PPM1G: variants seen among roughly 807,000 people sequenced by gnomAD.
PPM1G encodes the protein protein phosphatase, Mg2+/Mn2+ dependent 1G, also known as protein phosphatase 1G.
In PPM1G, 12 loss-of-function variants were observed where a neutral mutation model predicts 59.4. The ratio of observed to expected loss-of-function variants is 0.20; its 90% confidence interval spans 0.13 to 0.33. The LOEUF (loss-of-function observed/expected upper bound fraction) is 0.33, where lower values mean the gene tolerates loss of function less well. PPM1G is among the 10% of genes least tolerant of loss of function. The pLI is 1.00. For synonymous variants in PPM1G, 245 were observed against 251.9 expected (o/e 0.97, Z 0.26); for missense variants, 392 against 681.3 (o/e 0.58, Z 4.73).
At chr2:27,390,552 T>TCAACAA (rs530594101) in intron 1 of PPM1G, among the ~76,000 whole-genome samples, 71 of 152,158 alleles carry the variant, frequency 4.7e-4, no homozygotes, top group African/African-American at 1.6e-3. Flanking sequence ...AGACCTCATC[T>TCAACAA]CAACAACAAC....
At chr2:27,392,903 C>T in intron 1 of PPM1G, 1 of 1,424,922 alleles carries the variant, frequency 7.0e-7, no homozygotes, top group Middle Eastern at 2.4e-4. Context: ...TCTTTGATGG[C>T]CTTCACTTGT....
At chr2:27,409,235 C>G in intron 1 of PPM1G, 68 bp downstream of exon 1, 1 of 1,503,246 alleles carries the variant, frequency 6.7e-7, no homozygotes, top group East Asian at 2.8e-5. Context: ...AGGACCCCAT[C>G]CCCCGCTCTC....
At chr2:27,404,243 G>A (rs75743860) in intron 1 of PPM1G, among the ~76,000 whole-genome samples, 2,190 of 151,958 alleles carry the variant, frequency 0.014, 38 homozygotes, top group Non-Finnish European at 0.024. Context: ...AGGAAAATAT[G>A]ATTTATAGCA....
chr2:27,381,289 T>A lies in PPM1G; in HGVS notation c.*310A>T. 2.3e-6 allele frequency: 1 copy of A among 431,982 alleles called. No homozygotes were observed. 26.8% of individuals were successfully genotyped at this position (431,982 alleles called of 1,614,324 possible). A position where few individuals can be genotyped will look rare whatever the true frequency, so the allele number is the denominator to read the frequency against. On this transcript the variant is annotated 3_prime_UTR_variant, in exon 10 of 10. Coordinates refer to ENST00000344034, the MANE Select transcript of PPM1G (RefSeq NM_177983.3). The stretch of plus-strand genomic sequence containing the variant: ...CGGCCGAGGGCCATGGAGCCGCCAA[T>A]AAAAAAGAATGTCCTTAAATAAAGT...
At chr2:27,393,002 T>G (rs1426668765) in intron 1 of PPM1G, 1 of 1,520,502 alleles carries the variant, frequency 6.6e-7, no homozygotes, top group Admixed American at 1.7e-5. Flanking sequence ...AGTGACTGAT[T>G]CACATTTTTT....
chr2:27,381,929 C>T lies in PPM1G; in HGVS notation c.1435-124G>A, dbSNP rs1683641036. ...GGAGAGGAATGGGCAAGAGGTATCA[C>T]ACAACGGCCCACCTGCTAGTCCATA... On this transcript the variant is annotated intron_variant, in intron 9 of 9. Transcript: ENST00000344034. 2.9e-6 allele frequency: 3 copies of T among 1,034,976 alleles called. No homozygotes were observed. The Admixed American group carries it at 6.1e-5, about 21-fold the overall frequency. 64.1% of individuals were successfully genotyped at this position (1,034,976 alleles called of 1,614,324 possible).
chr2:27,386,327 TAGAA>T, intron 2 of PPM1G, 48 bp from the exon 3 acceptor site: 1 of 1,316,494 alleles, frequency 7.6e-7, no homozygotes, highest in Non-Finnish European at 1.1e-6. Flanking sequence ...TCCCCACACA[TAGAA>T]AGTGATACAA....
intron 1 of PPM1G, among the ~76,000 whole-genome samples, chr2:27,391,615 GGTT>G (rs1432497961): frequency 6.6e-6 from 1 of 152,064 alleles, no homozygotes; most frequent in Admixed American, 6.6e-5. Context: ...CCATTCTATA[GGTT>G]GTTTACCCCC....
rs1365959192 is a variant in PPM1G at position 27,392,281 on chromosome 2, G to GTTT, written c.121-5126_121-5124dup. ...CTGGATTACTTTGTTTTGTTGGTTT[G>GTTT]TTTTGTTTTTTTTTTTTTTTTTTTT... On this transcript the variant is annotated intron_variant, in intron 1 of 9. Coordinates refer to ENST00000344034, the MANE Select transcript of PPM1G (RefSeq NM_177983.3). Among the ~76,000 whole-genome samples, 118 of 78,714 alleles carry GTTT rather than the reference G, an allele frequency of 1.5e-3. 2 individuals are homozygous for GTTT. The highest frequency in any genetic ancestry group is 5.7e-3 in the African/African-American group (100 of 17,472). The allele number at this position is 78,714 out of a possible 152,430, so 51.6% of individuals were successfully genotyped here.
chr2:27,397,659 C>T (rs1322056200), intron 1 of PPM1G, among the ~76,000 whole-genome samples: 3 of 152,094 alleles, frequency 2.0e-5, no homozygotes, highest in Non-Finnish European at 4.4e-5. Flanking sequence ...GATAAAAAGA[C>T]TCAATGCCAG....
At chr2:27,407,773 G>T (rs1443957517) in intron 1 of PPM1G, among the ~76,000 whole-genome samples, 1 of 152,142 alleles carries the variant, frequency 6.6e-6, no homozygotes, top group Non-Finnish European at 1.5e-5. Flanking sequence ...GAGCCGCAGG[G>T]TGTGGTGGTT....
chr2:27,398,864 T>C (rs1684115850), intron 1 of PPM1G, among the ~76,000 whole-genome samples: 1 of 145,632 alleles, frequency 6.9e-6, no homozygotes, highest in Admixed American at 6.9e-5. Context: ...GCAAAAAGAA[T>C]CAGGGTGTAG....
intron 1 of PPM1G, among the ~76,000 whole-genome samples, chr2:27,394,666 C>CCCTG (rs779752953): frequency 2.8e-4 from 41 of 148,594 alleles, no homozygotes; most frequent in Admixed American, 2.7e-3. Context: ...GGGAGGCGGA[C>CCCTG]CAGGAGGCGG....
chr2:27,405,034 C>A (rs1558322617), intron 1 of PPM1G, among the ~76,000 whole-genome samples: 9 of 84 alleles, frequency 0.11, no homozygotes, highest in Middle Eastern at 0.5. Context: ...AAGGGCCTTA[C>A]CTTATAATTT....
chr2:27,381,935 G>A (rs745679838), intron 9 of PPM1G, 130 bp from the exon 10 acceptor site: 24 of 1,020,954 alleles, frequency 2.4e-5, no homozygotes, highest in African/African-American at 4.8e-5. Flanking sequence ...ATCACACAAC[G>A]GCCCACCTGC....
At chr2:27,404,343 T>C (rs1392250406) in intron 1 of PPM1G, among the ~76,000 whole-genome samples, 2 of 150,256 alleles carry the variant, frequency 1.3e-5, no homozygotes, top group Non-Finnish European at 3.0e-5. Context: ...GTCAGGAGTC[T>C]TGAGACCAGC....
At chr2:27,389,522 C>T (rs1255893481) in intron 1 of PPM1G, among the ~76,000 whole-genome samples, 1 of 149,496 alleles carries the variant, frequency 6.7e-6, no homozygotes, top group Non-Finnish European at 1.5e-5. Context: ...CCTTTACCCA[C>T]ACCTTTGCTT....
intron 1 of PPM1G, among the ~76,000 whole-genome samples, chr2:27,405,045 T>G (rs74175065): frequency 3.4e-5 from 5 of 145,590 alleles, no homozygotes; most frequent in African/African-American, 1.3e-4. Flanking sequence ...CTTATAATTT[T>G]TCAGGCACCC....
intron 1 of PPM1G, chr2:27,393,311 G>A (rs764495414): frequency 3.6e-5 from 57 of 1,597,930 alleles, no homozygotes; most frequent in Non-Finnish European, 4.8e-5. Flanking sequence ...GGTTGATGGC[G>A]GCCTCTGAGT....
Sources: allele counts gnomAD v4.1 joint callset (sites outside exome capture counted in the v4.1 genomes callset), GRCh38; gene constraint gnomAD v4.1.1; transcripts MANE v1.5; gene names NCBI Gene and HGNC (gene_info 2026-07-23, HGNC 2026-07-21).